Variants in RILPL1 observed in about 807,000 individuals in gnomAD.
The protein encoded by RILPL1 is RILP-like protein 1.
RILPL1 carries 33 observed loss-of-function variants against 50.3 expected under a neutral mutation model. The ratio of observed to expected loss-of-function variants is 0.66; its 90% confidence interval spans 0.50 to 0.88. The LOEUF (loss-of-function observed/expected upper bound fraction) is 0.88. Among genes scored for constraint, RILPL1 ranks in the 40% least tolerant of loss-of-function variants. The pLI, the probability that RILPL1 is intolerant of heterozygous loss-of-function variation, is 0.00. For synonymous variants in RILPL1, 205 were observed against 228.6 expected (o/e 0.90, Z 0.93); for missense variants, 418 against 542.5 (o/e 0.77, Z 2.28).
intron 2 of RILPL1, among the ~76,000 whole-genome samples, chr12:123,500,600 T>C (rs112574311): frequency 0.01 from 1,536 of 152,200 alleles, 24 homozygotes; most frequent in African/African-American, 0.035. Flanking sequence ...CATTCTTTTA[T>C]CTGACGAAAG....
Position 123,472,252 on chromosome 12 carries a change from A to C in RILPL1, c.*286T>G. Reference sequence around the variant, plus strand: ...TAAAGAAGCTTGTGTTACTGAAGTTAACGCAGAAGTCTGGCCTCCGTTTGT... The same window carrying C: ...TAAAGAAGCTTGTGTTACTGAAGTTCACGCAGAAGTCTGGCCTCCGTTTGT... On this transcript the variant is annotated 3_prime_UTR_variant, in exon 7 of 7. Coordinates refer to ENST00000376874, the MANE Select transcript of RILPL1 (RefSeq NM_178314.5). The C allele has an allele frequency of 2.8e-6, 1 of 353,512 alleles. No individual in the cohort carries two copies. The highest frequency in any genetic ancestry group is 5.2e-6 in the Non-Finnish European group (1 of 192,936). The allele number at this position is 353,512 out of a possible 1,614,324, so 21.9% of individuals were successfully genotyped here.
In RILPL1 at chr12:123,533,283, A is replaced by T; in HGVS notation, c.200T>A (p.Leu67Gln). 6.3e-7 allele frequency: 1 copy of T among 1,586,812 alleles called. No individual in the cohort carries two copies. Among genetic ancestry groups the T allele is most frequent in the Non-Finnish European group, 8.5e-7 (1 of 1,171,912 alleles). ...VVRVLEILEV[L>Q]VSRHHVAPEL... ...GGGCGCGACGTGGTGGCGGCTGACC[A>T]GCACCTCCAGGATCTCCAGGACGCG... Residue 67 changes from leucine (L) to glutamine (Q), a missense_variant, in exon 1 of 7, where the codon CTG becomes CAG. Coordinates refer to ENST00000376874, the MANE Select transcript of RILPL1 (RefSeq NM_178314.5). This position sits in a 1 kb window ranked among gnomAD's most constrained non-coding sequence, Gnocchi z 6.2.
chr12:123,514,342 G>A (rs1014946358), intron 2 of RILPL1: 10 of 152,084 alleles, frequency 6.6e-5, no homozygotes, highest in African/African-American at 1.9e-4. Context: ...GCTGGGGAGA[G>A]ACCTGCCAGG....
intron 2 of RILPL1, among the ~76,000 whole-genome samples, chr12:123,500,176 C>T (rs976669789): frequency 2.0e-5 from 3 of 151,986 alleles, no homozygotes; most frequent in Non-Finnish European, 2.9e-5. Flanking sequence ...GTGATCCGCC[C>T]GCCTCGGCCT....
chr12:123,522,925 C>T lies in RILPL1; in HGVS notation c.460+570G>A, dbSNP rs185202262. 6.6e-6 allele frequency among the ~76,000 whole-genome samples: 1 copy of T among 152,288 alleles called. No homozygotes were observed. Among genetic ancestry groups the T allele is most frequent in the East Asian group, 1.9e-4 (1 of 5,188 alleles). ...GCCTTCTTGGTTTCCCCCAAATGCT[C>T]ATGTCCCAGGGCCTTTGCATGACTG... On this transcript the variant is annotated intron_variant, in intron 2 of 6. Transcript: ENST00000376874. The surrounding 1 kb of genome is among the most constrained non-coding windows in gnomAD (Gnocchi z 4.0).
rs546399341 is a variant in RILPL1, at chr12:123,498,857, A to G, written c.580-92T>C. ...ACGGCAAACCATCCATAGGTGTGCCATTTACATTGCAGACATCTTTGTTTG... is the reference window on the plus strand; with the variant it reads ...ACGGCAAACCATCCATAGGTGTGCCGTTTACATTGCAGACATCTTTGTTTG... On this transcript the variant is annotated intron_variant, in intron 3 of 6. Coordinates refer to ENST00000376874, the MANE Select transcript of RILPL1 (RefSeq NM_178314.5). This position sits in a 1 kb window ranked among gnomAD's most constrained non-coding sequence, Gnocchi z 4.3. 6.0e-5 allele frequency: 69 copies of G among 1,151,398 alleles called. 1 individual carries two copies. In the East Asian group the frequency reaches 1.6e-3, roughly 26 times the overall value. 71.3% of individuals were successfully genotyped at this position (1,151,398 alleles called of 1,614,324 possible). A position where few individuals can be genotyped will look rare whatever the true frequency, so the allele number is the denominator to read the frequency against.
rs1234223337 is a variant in RILPL1 at position 123,507,212 on chromosome 12, T to A, written c.461-7676A>T. ...CCCTCAACAGGCAGGTGTGCCCACATGCCTCAGGAGGAAGATGGTGAAATT... is the reference window on the plus strand; with the variant it reads ...CCCTCAACAGGCAGGTGTGCCCACAAGCCTCAGGAGGAAGATGGTGAAATT... On this transcript the variant is annotated intron_variant, in intron 2 of 6. Transcript: ENST00000376874. Among the ~76,000 whole-genome samples the A allele has an allele frequency of 3.9e-5, 6 of 152,274 alleles. No individual in the cohort carries two copies. In the Middle Eastern group the frequency reaches 0.014, roughly 345 times the overall value.
intron 4 of RILPL1, among the ~76,000 whole-genome samples, chr12:123,497,073 C>T (rs1277859372): frequency 6.6e-6 from 1 of 152,230 alleles, no homozygotes; most frequent in Non-Finnish European, 1.5e-5. Context: ...TTCTTTCACT[C>T]CGCGTGATGT....
intron 4 of RILPL1, among the ~76,000 whole-genome samples, chr12:123,488,296 C>T (rs1040337065): frequency 2.7e-5 from 4 of 148,998 alleles, no homozygotes; most frequent in Admixed American, 6.6e-5. Flanking sequence ...AGAAAATTAA[C>T]TGGGCATGGT....
At position 123,472,490 on chromosome 12, in the gene RILPL1, G is replaced by C; in HGVS notation, c.*48C>G. ...ACCCCTGGGCTGCAGTTCGGTTGCA[G>C]GCGCTGGTGGCGGGCAGTCCAGGTT... On this transcript the variant is annotated 3_prime_UTR_variant, in exon 7 of 7. Coordinates refer to ENST00000376874, the MANE Select transcript of RILPL1 (RefSeq NM_178314.5). 3 of 1,547,422 alleles carry C rather than the reference G, an allele frequency of 1.9e-6. No homozygotes were observed. Among genetic ancestry groups the C allele is most frequent in the Non-Finnish European group, 2.6e-6 (3 of 1,145,000 alleles).
chr12:123,484,799 G>A (rs1882222404), intron 5 of RILPL1: 1 of 252,136 alleles, frequency 4.0e-6, no homozygotes, highest in East Asian at 8.9e-5. Context: ...TGGGACTACA[G>A]GGTGAGCCAC....
At chr12:123,492,230 A>G (rs1882743459) in intron 4 of RILPL1, among the ~76,000 whole-genome samples, 1 of 139,216 alleles carries the variant, frequency 7.2e-6, no homozygotes, top group East Asian at 2.0e-4. Flanking sequence ...AAAGAAGAAA[A>G]AAAAATATAT....
intron 1 of RILPL1, among the ~76,000 whole-genome samples, chr12:123,530,136 A>G (rs1276808099): frequency 6.6e-6 from 1 of 152,164 alleles, no homozygotes; most frequent in African/African-American, 2.4e-5. Flanking sequence ...TGGGTCCCAT[A>G]AGATATATTA....
chr12:123,470,487 AAAAAAAG>A lies in RILPL1; in HGVS notation c.*2044_*2050del. On this transcript the variant is annotated 3_prime_UTR_variant, in exon 7 of 7. Coordinates refer to ENST00000376874, the MANE Select transcript of RILPL1 (RefSeq NM_178314.5). ...GACCCTGTGTCCAAAAAAAAAAAAA[AAAAAAAG>A]GCCAGCCACAGTGGCTCACACCTGT... 6.5e-6 allele frequency: 1 copy of A among 153,304 alleles called. No individual in the cohort carries two copies. Among genetic ancestry groups the A allele is most frequent in the Non-Finnish European group, 1.4e-5 (1 of 70,814 alleles). The allele number at this position is 153,304 out of a possible 1,614,324, so 9.5% of individuals were successfully genotyped here.
chr12:123,471,055 T>C lies in RILPL1; in HGVS notation c.*1483A>G, dbSNP rs1881165997. 6.6e-6 allele frequency: 1 copy of C among 151,904 alleles called. No individual in the cohort carries two copies. Among genetic ancestry groups the C allele is most frequent in the Non-Finnish European group, 1.5e-5 (1 of 68,028 alleles). The allele number at this position is 151,904 out of a possible 1,614,324, so 9.4% of individuals were successfully genotyped here. A position where few individuals can be genotyped will look rare whatever the true frequency, so the allele number is the denominator to read the frequency against. On this transcript the variant is annotated 3_prime_UTR_variant, in exon 7 of 7. Transcript: ENST00000376874. Reference sequence around the variant, plus strand: ...CCATTCTAGATTCTGCAAATTCACCTGATGGTTTCTTTCTTTCTTTTTTTT... The same window carrying C: ...CCATTCTAGATTCTGCAAATTCACCCGATGGTTTCTTTCTTTCTTTTTTTT...
chr12:123,531,205 C>T (rs1885434551), intron 1 of RILPL1, among the ~76,000 whole-genome samples: 2 of 151,964 alleles, frequency 1.3e-5, no homozygotes, highest in South Asian at 4.2e-4. Flanking sequence ...GAATTGCATC[C>T]TTGATTTAGA....
chr12:123,513,144 G>A (rs1884479384), intron 2 of RILPL1, among the ~76,000 whole-genome samples: 1 of 151,104 alleles, frequency 6.6e-6, no homozygotes, highest in African/African-American at 2.4e-5. Context: ...AGGTCCGTGT[G>A]TGTGTGGTGT....
rs572231318 is a variant in RILPL1, at chr12:123,522,919, A to G, written c.460+576T>C. Among the ~76,000 whole-genome samples, 6 of 152,144 alleles carry G rather than the reference A, an allele frequency of 3.9e-5. No individual in the cohort carries two copies. The highest frequency in any genetic ancestry group is 3.9e-4 in the East Asian group (2 of 5,182). ...ACACCGGCCTTCTTGGTTTCCCCCA[A>G]ATGCTCATGTCCCAGGGCCTTTGCA... On this transcript the variant is annotated intron_variant, in intron 2 of 6. Transcript: ENST00000376874. The surrounding 1 kb of genome is among the most constrained non-coding windows in gnomAD (Gnocchi z 4.0).
At chr12:123,515,490 G>T (rs1485098770) in intron 2 of RILPL1, 1 of 149,784 alleles carries the variant, frequency 6.7e-6, no homozygotes, top group Non-Finnish European at 1.5e-5. Context: ...TCACTCTGTC[G>T]CCAGGCTGGA....
Sources: gnomAD v4.1 joint callset for allele counts (sites outside exome capture counted in the v4.1 genomes callset) on GRCh38, gnomAD v4.1.1 for gene constraint, Gnocchi (gnomAD v3.1) non-coding constraint, MANE v1.5 for transcripts, NCBI Gene and HGNC (gene_info 2026-07-23, HGNC 2026-07-21) for gene names.